The following ADAM9 variants were observed in gnomAD, a reference collection of about 807,000 sequenced individuals.
ADAM9 encodes disintegrin and metalloproteinase domain-containing protein 9.
Under a neutral mutation model 108.1 loss-of-function variants are expected in ADAM9, and 54 were observed. That is an observed-to-expected ratio of 0.50 (90% CI 0.40 to 0.63). The LOEUF is 0.63. ADAM9 is among the 20% of genes least tolerant of loss of function. ADAM9 has a pLI of 0.00. For synonymous variants in ADAM9, 316 were observed against 336.0 expected, an observed-to-expected ratio of 0.94 and a Z score of 0.65; for missense variants, 830 against 997.7, an observed-to-expected ratio of 0.83 and a Z score of 2.26.
chr8:39,001,857 A>G (rs1836002985), intron 1 of ADAM9, among the ~76,000 whole-genome samples: 1 of 152,156 alleles, frequency 6.6e-6, no homozygotes. Flanking sequence ...TTTAGTAGAG[A>G]CAGGGTTTCA....
Sources: allele counts gnomAD v4.1 joint callset (sites outside exome capture counted in the v4.1 genomes callset), GRCh38; gene constraint gnomAD v4.1.1; transcripts MANE v1.5; gene names NCBI Gene and HGNC (gene_info 2026-07-23, HGNC 2026-07-21).